Variants in DMBT1 observed in about 807,000 individuals in gnomAD.
DMBT1 encodes the protein deleted in malignant brain tumors 1.
In DMBT1, 198 loss-of-function variants were observed where a neutral mutation model predicts 252.9. The observed-to-expected ratio is 0.78, with a 90% confidence interval of 0.70 to 0.88. The LOEUF (loss-of-function observed/expected upper bound fraction) is 0.88. Among genes scored for constraint, DMBT1 ranks in the 40% least tolerant of loss-of-function variants. The pLI is 0.00. For synonymous variants in DMBT1, 990 were observed against 942.7 expected (o/e 1.05, Z -0.92); for missense variants, 2,432 against 2,404.7 (o/e 1.01, Z -0.24).
intron 42 of DMBT1, 100 bp from the exon 43 acceptor site, chr10:122,620,153 T>C (rs545268330): frequency 7.8e-7 from 1 of 1,275,986 alleles, no homozygotes; most frequent in East Asian, 2.3e-5. Flanking sequence ...GAACCAGAAA[T>C]TGAATAGTTT....
chr10:122,589,179 A>G lies in DMBT1; in HGVS notation c.2019A>G (p.Gly673=), dbSNP rs1264508486. ...TCCTGGATGATGTGCGCTGCTCAGG[A>G]CATGAGTCCTACCTGTGGAGCTGCC... is the stretch of plus-strand genomic sequence containing the variant. ...PIVLDDVRCS[G]HESYLWSCPN... is the part of the protein sequence containing the mutation. Residue 673 remains glycine, a synonymous_variant, in exon 17 of 56, where the codon GGA becomes GGG. Transcript: ENST00000338354. The G allele has an allele frequency of 4.4e-6, 7 of 1,588,376 alleles. 1 individual carries two copies. The highest frequency in any genetic ancestry group is 2.3e-5 in the East Asian group (1 of 42,720).
chr10:122,639,912 C>G, intron 54 of DMBT1, 128 bp from the exon 55 acceptor site: 2 of 1,144,678 alleles, frequency 1.7e-6, no homozygotes, highest in Non-Finnish European at 2.4e-6. Flanking sequence ...ATGGCCATCT[C>G]TGAGTGGTTC....
chr10:122,584,595 A>G (rs1400477887), intron 14 of DMBT1, among the ~76,000 whole-genome samples: 1 of 148,794 alleles, frequency 6.7e-6, no homozygotes, highest in Non-Finnish European at 1.5e-5. Context: ...CCAGTGGCCA[A>G]CCCTTAGAGG....
rs772081964 is a variant in DMBT1, at chr10:122,570,115, C to G, written c.92-47C>G. On this transcript the variant is annotated intron_variant, in intron 2 of 55. Transcript: ENST00000338354. ...TGAGGAAGCCAGGGACCAGCCCTCC[C>G]CAAGCAAGGGCTACCATCAATGAGC... 27 of 1,541,888 alleles carry G rather than the reference C, an allele frequency of 1.8e-5. No individual in the cohort carries two copies. The South Asian group carries it at 3.0e-4, about 17-fold the overall frequency.
intron 2 of DMBT1, 139 bp downstream of exon 2, chr10:122,566,135 A>G: frequency 1.1e-6 from 1 of 873,156 alleles, no homozygotes; most frequent in Non-Finnish European, 1.9e-6. Flanking sequence ...CCGGGGGGAC[A>G]GGAGACGTGC....
intron 3 of DMBT1, 62 bp from the exon 4 acceptor site, chr10:122,570,828 T>C: frequency 6.3e-7 from 1 of 1,581,000 alleles, no homozygotes; most frequent in Non-Finnish European, 8.7e-7. Flanking sequence ...GACGAAGCCA[T>C]GGACCAACCC....
At chr10:122,633,099 A>G in intron 51 of DMBT1, 92 bp from the exon 52 acceptor site, 1 of 1,522,040 alleles carries the variant, frequency 6.6e-7, no homozygotes, top group Non-Finnish European at 8.8e-7. Flanking sequence ...ATTTTATAAA[A>G]TTTTAAAGTA....
intron 1 of DMBT1, among the ~76,000 whole-genome samples, chr10:122,565,458 T>C (rs920071717): frequency 3.9e-5 from 6 of 152,354 alleles, no homozygotes; most frequent in Middle Eastern, 3.4e-3. Flanking sequence ...ATGGACCTTG[T>C]CTGGCCTCAC....
At chr10:122,639,844 C>A (rs575002055) in intron 54 of DMBT1, among the ~76,000 whole-genome samples, 196 bp from the exon 55 acceptor site, 3 of 152,286 alleles carry the variant, frequency 2.0e-5, no homozygotes, top group African/African-American at 7.2e-5. Context: ...AGACCTGGAC[C>A]CAGAGTGTAA....
chr10:122,570,997 T>A, intron 4 of DMBT1, 60 bp downstream of exon 4: 1 of 1,574,760 alleles, frequency 6.4e-7, no homozygotes, highest in Non-Finnish European at 8.7e-7. Context: ...CCTAGGTTCA[T>A]CTCTGATTCA....
chr10:122,577,240 T>A (rs2097720557), intron 7 of DMBT1, among the ~76,000 whole-genome samples: 1 of 152,164 alleles, frequency 6.6e-6, no homozygotes, highest in African/African-American at 2.4e-5. Flanking sequence ...AAGCCTTCCC[T>A]CCCCTTGAAC....
chr10:122,640,184 G>A lies in DMBT1; in HGVS notation c.7087G>A (p.Asp2363Asn). The change falls in exon 55 of 56, where the codon GAC becomes AAC. Residue 2363 changes from aspartate to asparagine, a missense_variant. Physicochemically the swap from Asp to Asn is conservative, Grantham distance 23 (BLOSUM62 1). Coordinates refer to ENST00000338354, the MANE Select transcript of DMBT1 (RefSeq NM_001377530.1). ...GGTCGACACCATGTACATTGCTAAT[G>A]ACACCATCCACGTTGCTAATAACAC... is the stretch of plus-strand genomic sequence containing the variant. ...TWVDTMYIAN[D>N]TIHVANNTIQ... 1 of 1,614,058 alleles carries A rather than the reference G, an allele frequency of 6.2e-7. No homozygotes were observed. The highest frequency in any genetic ancestry group is 8.5e-7 in the Non-Finnish European group (1 of 1,179,890).
At chr10:122,592,668 T>A (rs778903108) in intron 20 of DMBT1, 73 bp downstream of exon 20, 1 of 1,572,870 alleles carries the variant, frequency 6.4e-7, no homozygotes, top group Non-Finnish European at 8.6e-7. Flanking sequence ...AATTACATTC[T>A]GATCTCCTCA....
In DMBT1 at chr10:122,586,423, A is replaced by G. The variant is rs1591308074; in HGVS notation, c.1783+40A>G. On this transcript the variant is annotated intron_variant, in intron 16 of 55. Coordinates refer to ENST00000338354, the MANE Select transcript of DMBT1 (RefSeq NM_001377530.1). Reference sequence around the variant, plus strand: ...CTTTTGGTTTCCTCTCTTGGGGTAGATTTTGCTCAGGAAGGTTTTATTATG... The same window carrying G: ...CTTTTGGTTTCCTCTCTTGGGGTAGGTTTTGCTCAGGAAGGTTTTATTATG... 6.9e-6 allele frequency: 11 copies of G among 1,583,580 alleles called. 1 individual carries two copies. In the East Asian group the frequency reaches 2.3e-4, roughly 34 times the overall value.
In DMBT1 at chr10:122,598,861, G is replaced by A. The variant is rs925315678; in HGVS notation, c.3044G>A (p.Gly1015Asp). Residue 1015 changes from glycine (G) to aspartate (D), a missense_variant, in exon 26 of 56, where the codon GGC (glycine) becomes GAC (aspartate). By Grantham distance (94) the Gly-to-Asp change is moderately conservative (BLOSUM62 -1). Coordinates refer to ENST00000338354, the MANE Select transcript of DMBT1 (RefSeq NM_001377530.1). ...RVEVLYQGSW[G>D]TVCDDSWDTN... ...GAGGTCCTATACCAAGGCTCCTGGG[G>A]CACCGTGTGCGATGACAGCTGGGAC... 8 of 1,613,812 alleles carry A rather than the reference G, an allele frequency of 5.0e-6. No homozygotes were observed. The highest frequency in any genetic ancestry group is 3.3e-5 in the South Asian group (3 of 91,070).
chr10:122,619,042 AG>A (rs1479634460), intron 41 of DMBT1, among the ~76,000 whole-genome samples: 1 of 152,228 alleles, frequency 6.6e-6, no homozygotes, highest in Admixed American at 6.5e-5. Context: ...AAAACATCCA[AG>A]GGAGAGTGTT....
chr10:122,573,813 C>G, intron 6 of DMBT1, 51 bp downstream of exon 6: 1 of 1,593,284 alleles, frequency 6.3e-7, no homozygotes, highest in South Asian at 1.1e-5. Flanking sequence ...CCCTGCACCC[C>G]TAGGTTAATC....
chr10:122,641,898 C>A (rs1844604362), intron 55 of DMBT1, among the ~76,000 whole-genome samples: 1 of 152,150 alleles, frequency 6.6e-6, no homozygotes, highest in African/African-American at 2.4e-5. Context: ...TCCAAACACA[C>A]CCTGCCCAGG....
intron 1 of DMBT1, among the ~76,000 whole-genome samples, chr10:122,564,238 C>A (rs2097571394): frequency 1.3e-5 from 2 of 152,252 alleles, no homozygotes; most frequent in East Asian, 3.9e-4. Context: ...CTGTCACTGG[C>A]CTGTTGGTTC....
Sources: gnomAD v4.1 joint callset for allele counts (sites outside exome capture counted in the v4.1 genomes callset) on GRCh38, gnomAD v4.1.1 for gene constraint, MANE v1.5 for transcripts, NCBI Gene and HGNC (gene_info 2026-07-23, HGNC 2026-07-21) for gene names.